The following SLC4A10 variants were observed in gnomAD, a reference collection of about 807,000 sequenced individuals.
SLC4A10 encodes the protein solute carrier family 4 member 10.
A neutral mutation model predicts 137.7 loss-of-function variants in SLC4A10; 42 were observed. That is an observed-to-expected ratio of 0.30 (90% confidence interval 0.24 to 0.39). SLC4A10 has a LOEUF of 0.39. Among genes scored for constraint, SLC4A10 ranks in the 10% least tolerant of loss-of-function variants. SLC4A10 has a pLI of 1.00. For synonymous variants in SLC4A10, 474 were observed against 464.1 expected (o/e 1.02, Z -0.27); for missense variants, 925 against 1,355.0 (o/e 0.68, Z 4.98).
At chr2:161,921,845 G>A (rs537743884) in intron 15 of SLC4A10, among the ~76,000 whole-genome samples, 151 of 152,278 alleles carry the variant, frequency 9.9e-4, no homozygotes, top group African/African-American at 3.5e-3. Flanking sequence ...AAATGATTGC[G>A]ATGATTATAA....
At chr2:161,891,777 C>T (rs181020582) in intron 10 of SLC4A10, among the ~76,000 whole-genome samples, 94 of 152,122 alleles carry the variant, frequency 6.2e-4, no homozygotes, top group African/African-American at 1.8e-3. Flanking sequence ...TTATTAACCA[C>T]CTTCTGAAGC....
intron 15 of SLC4A10, among the ~76,000 whole-genome samples, chr2:161,931,935 A>G (rs1268636557): frequency 1.3e-5 from 2 of 152,216 alleles, no homozygotes; most frequent in Non-Finnish European, 2.9e-5. Flanking sequence ...CATGCATTTC[A>G]TGTATATATC....
chr2:161,817,354 A>G (rs187901913), intron 3 of SLC4A10, among the ~76,000 whole-genome samples: 7 of 152,066 alleles, frequency 4.6e-5, no homozygotes, highest in South Asian at 4.2e-4. Flanking sequence ...AAATTTGTTT[A>G]AGTTCATTGT....
intron 1 of SLC4A10, among the ~76,000 whole-genome samples, chr2:161,719,008 T>G (rs2045292791): frequency 6.6e-6 from 1 of 152,098 alleles, no homozygotes; most frequent in African/African-American, 2.4e-5. Context: ...ACCCATTAAC[T>G]CGTCATTTAG....
At chr2:161,742,757 C>A (rs2125254864) in intron 1 of SLC4A10, among the ~76,000 whole-genome samples, 1 of 152,152 alleles carries the variant, frequency 6.6e-6, no homozygotes, top group East Asian at 1.9e-4. Flanking sequence ...CCTTTCTATA[C>A]ATCCTTGCTA....
chr2:161,753,936 C>G (rs941277360), intron 1 of SLC4A10, among the ~76,000 whole-genome samples: 1 of 151,438 alleles, frequency 6.6e-6, no homozygotes, highest in African/African-American at 2.4e-5. Flanking sequence ...GTTGCCCAGG[C>G]TGGAGTGCAG....
chr2:161,863,674 A>T (rs918318269), intron 6 of SLC4A10, among the ~76,000 whole-genome samples: 5 of 152,194 alleles, frequency 3.3e-5, no homozygotes, highest in African/African-American at 1.2e-4. Context: ...ACCAACATAG[A>T]TGACCACCAT....
intron 1 of SLC4A10, among the ~76,000 whole-genome samples, chr2:161,747,116 C>T (rs2048467969): frequency 6.6e-6 from 1 of 152,122 alleles, no homozygotes; most frequent in Non-Finnish European, 1.5e-5. Context: ...GAGCCCAGCA[C>T]AGCACCAGGA....
chr2:161,713,305 A>T (rs2125072582), intron 1 of SLC4A10, among the ~76,000 whole-genome samples: 1 of 151,998 alleles, frequency 6.6e-6, no homozygotes, highest in East Asian at 1.9e-4. Flanking sequence ...ACAAAAGAGC[A>T]GTACCTATAT....
intron 1 of SLC4A10, among the ~76,000 whole-genome samples, chr2:161,718,951 G>A (rs552886353): frequency 6.6e-6 from 1 of 152,144 alleles, no homozygotes; most frequent in Non-Finnish European, 1.5e-5. Flanking sequence ...TGTGCACAAT[G>A]TGCAGGATAG....
intron 1 of SLC4A10, among the ~76,000 whole-genome samples, chr2:161,758,720 A>G (rs554719470): frequency 6.6e-6 from 1 of 152,136 alleles, no homozygotes; most frequent in Non-Finnish European, 1.5e-5. Context: ...TGGAGAGTGT[A>G]GAACTTGCTA....
chr2:161,654,195 TTCAAG>T (rs1227283187), intron 1 of SLC4A10, among the ~76,000 whole-genome samples: 3 of 152,342 alleles, frequency 2.0e-5, no homozygotes, highest in South Asian at 2.1e-4. Flanking sequence ...GAAGTACCTC[TTCAAG>T]TCTTTAGCCC....
At chr2:161,890,651 T>C (rs538489397) in intron 10 of SLC4A10, among the ~76,000 whole-genome samples, 1 of 152,314 alleles carries the variant, frequency 6.6e-6, no homozygotes, top group South Asian at 2.1e-4. Flanking sequence ...TGGTAAATGT[T>C]CCTCTATCCC....
rs1051093976 is a variant in SLC4A10 at position 161,983,456 on chromosome 2, T to C, written c.*304T>C. The C allele has an allele frequency of 3.7e-6, 2 of 539,570 alleles. No individual in the cohort carries two copies. The highest frequency in any genetic ancestry group is 3.9e-5 in the African/African-American group (2 of 51,666). The allele number at this position is 539,570 out of a possible 1,614,324, so 33.4% of individuals were successfully genotyped here. On this transcript the variant is annotated 3_prime_UTR_variant, in exon 27 of 27. Coordinates refer to ENST00000446997, the MANE Select transcript of SLC4A10 (RefSeq NM_001178015.2). The stretch of plus-strand genomic sequence containing the variant: ...ATACAATAGCCAATGCAAGAATCTG[T>C]GTGTTCCTTGCTGTACGTTAGACAT...
At chr2:161,786,509 G>T (rs945834823) in intron 2 of SLC4A10, among the ~76,000 whole-genome samples, 10 of 151,448 alleles carry the variant, frequency 6.6e-5, no homozygotes, top group Non-Finnish European at 1.3e-4. Flanking sequence ...TAGGATCTTT[G>T]GATTTTGTAC....
At chr2:161,955,389 T>A (rs1005401917) in intron 19 of SLC4A10, among the ~76,000 whole-genome samples, 2 of 152,222 alleles carry the variant, frequency 1.3e-5, no homozygotes, top group African/African-American at 4.8e-5. Context: ...CTTCAACTCT[T>A]ACTAATCAAA....
In SLC4A10 at chr2:161,977,740, C is replaced by G. The variant is rs369351949; in HGVS notation, c.*6C>G. The G allele has an allele frequency of 3.6e-5, 57 of 1,597,974 alleles. No homozygotes were observed. Among genetic ancestry groups the G allele is most frequent in the African/African-American group, 1.4e-5 (1 of 73,852 alleles). ...TCATAAGCTCCCCTTCCTAATCACT[C>G]TAGAAGCTGATTCCCCAAAGGTAAG... On this transcript the variant is annotated 3_prime_UTR_variant, in exon 26 of 27. Transcript: ENST00000446997.
At chr2:161,716,309 G>A (rs1326535447) in intron 1 of SLC4A10, among the ~76,000 whole-genome samples, 1 of 151,680 alleles carries the variant, frequency 6.6e-6, no homozygotes, top group Non-Finnish European at 1.5e-5. Flanking sequence ...AGTTTCTTTT[G>A]CTGTGCAGAA....
chr2:161,873,748 G>T (rs570732462), intron 7 of SLC4A10, 168 bp from the exon 8 acceptor site: 9 of 564,990 alleles, frequency 1.6e-5, no homozygotes, highest in East Asian at 1.6e-4. Context: ...CCTGAATCAA[G>T]GTTCTGAAAA....
Sources: allele counts gnomAD v4.1 joint callset (sites outside exome capture counted in the v4.1 genomes callset), GRCh38; gene constraint gnomAD v4.1.1; transcripts MANE v1.5; gene names NCBI Gene and HGNC (gene_info 2026-07-23, HGNC 2026-07-21).